Variants in PCDHA6 observed in about 807,000 individuals in gnomAD.
PCDHA6 encodes the protein protocadherin alpha 6, also known as protocadherin alpha-6.
PCDHA6 carries 55 observed loss-of-function variants against 60.3 expected under a neutral mutation model. The ratio of observed to expected loss-of-function variants is 0.91; its 90% CI spans 0.73 to 1.14. The LOEUF (loss-of-function observed/expected upper bound fraction) is 1.14, where lower values mean the gene tolerates loss of function less well. Among genes scored for constraint, PCDHA6 ranks in the 50% most tolerant of loss-of-function variants. PCDHA6 has a pLI of 0.00. For synonymous variants in PCDHA6, 652 were observed against 557.9 expected (o/e 1.17, Z -2.38); for missense variants, 1,327 against 1,256.5 (o/e 1.06, Z -0.85).
chr5:140,913,898 CTTTT>C (rs1351691139), intron 1 of PCDHA6, among the ~76,000 whole-genome samples: 2 of 152,020 alleles, frequency 1.3e-5, no homozygotes, highest in African/African-American at 4.8e-5. Flanking sequence ...CAAAATTCCC[CTTTT>C]TTATTTCTAA....
rs571694728 is a variant in PCDHA6, at chr5:140,949,343, CTG to C, written c.2395-29602_2395-29601del. Among the ~76,000 whole-genome samples the C allele has an allele frequency of 8.0e-4, 121 of 151,818 alleles. 1 individual carries two copies. Among genetic ancestry groups the C allele is most frequent in the Admixed American group, 3.5e-3 (54 of 15,258 alleles). On this transcript the variant is annotated intron_variant, in intron 1 of 3. Transcript: ENST00000529310. ...TATAAATTATTGTTATCCAGATTTT[CTG>C]TGTCTTTATTTTTTTGTCTAGTTGT...
intron 3 of PCDHA6, among the ~76,000 whole-genome samples, chr5:141,007,135 C>G (rs1183279253): frequency 2.6e-5 from 4 of 152,074 alleles, no homozygotes; most frequent in Non-Finnish European, 5.9e-5. Context: ...GATGAGGAGA[C>G]TGACAAAGGA....
rs1382251688 is a variant in PCDHA6, at chr5:141,010,812, C to A, written c.*875C>A. The A allele has an allele frequency of 6.5e-6, 1 of 153,746 alleles. No homozygotes were observed. Among genetic ancestry groups the A allele is most frequent in the Non-Finnish European group, 1.5e-5 (1 of 68,054 alleles). The allele number at this position is 153,746 out of a possible 1,614,324, so 9.5% of individuals were successfully genotyped here. On this transcript the variant is annotated 3_prime_UTR_variant, in exon 4 of 4. Coordinates refer to ENST00000529310, the MANE Select transcript of PCDHA6 (RefSeq NM_018909.4). The stretch of plus-strand genomic sequence containing the variant: ...GCAAAAGAAAACCCCGACACCTCAC[C>A]TTTCGCTGTTTGTTGTTTCATAGAT...
chr5:140,844,367 A>C (rs1220676752), intron 1 of PCDHA6, among the ~76,000 whole-genome samples: 1 of 149,478 alleles, frequency 6.7e-6, no homozygotes, highest in Non-Finnish European at 1.5e-5. Context: ...GAGATTTGTA[A>C]TCCTTCTTTT....
intron 1 of PCDHA6, among the ~76,000 whole-genome samples, chr5:140,959,620 G>GA (rs1247214459): frequency 4.6e-5 from 7 of 151,966 alleles, no homozygotes; most frequent in African/African-American, 1.4e-4. Context: ...GCTTGTGATA[G>GA]AAAAAAAGAG....
intron 1 of PCDHA6, chr5:140,871,299 G>A (rs782459625): frequency 1.9e-6 from 3 of 1,613,916 alleles, no homozygotes; most frequent in South Asian, 1.1e-5. Context: ...GCGCGTGCGC[G>A]CCGGGGAAGC....
chr5:140,902,316 G>C (rs2069370797), intron 1 of PCDHA6, among the ~76,000 whole-genome samples: 1 of 151,402 alleles, frequency 6.6e-6, no homozygotes, highest in Non-Finnish European at 1.5e-5. Context: ...GGGATTACAG[G>C]TGTAACTCAC....
Position 140,847,536 on chromosome 5 carries a change from G to A in PCDHA6, c.2394+17051G>A, listed in dbSNP as rs1162683759. On this transcript the variant is annotated intron_variant, in intron 1 of 3. Transcript: ENST00000529310. ...AACTTAGTCAGGAAAAGAATCTCAAGCATAGCTTTAAAAACAGAAATTGCC... is the reference window on the plus strand; with the variant it reads ...AACTTAGTCAGGAAAAGAATCTCAAACATAGCTTTAAAAACAGAAATTGCC... 3 of 149,444 alleles carry A rather than the reference G, an allele frequency of 2.0e-5. 1 individual carries two copies. Among genetic ancestry groups the A allele is most frequent in the African/African-American group, 7.3e-5 (3 of 40,850 alleles). The allele number at this position is 149,444 out of a possible 1,614,324, so 9.3% of individuals were successfully genotyped here.
chr5:140,843,546 C>T (rs1562414778), intron 1 of PCDHA6: 1 of 1,595,752 alleles, frequency 6.3e-7, no homozygotes, highest in African/African-American at 1.3e-5. Context: ...CTGGTGTGCT[C>T]CAGTGCGGTG....
intron 1 of PCDHA6, among the ~76,000 whole-genome samples, chr5:140,945,624 C>T (rs1248945489): frequency 6.6e-6 from 1 of 152,028 alleles, no homozygotes; most frequent in African/African-American, 2.4e-5. Flanking sequence ...ATGGTACTGG[C>T]ATAAAAGACA....
chr5:140,968,949 T>C, intron 1 of PCDHA6: 1 of 1,614,180 alleles, frequency 6.2e-7, no homozygotes, highest in Non-Finnish European at 8.5e-7. Flanking sequence ...ATTTTGAGCA[T>C]CATCAAGTGC....
chr5:140,954,895 A>G (rs782412576), intron 1 of PCDHA6, among the ~76,000 whole-genome samples: 66 of 152,096 alleles, frequency 4.3e-4, no homozygotes, highest in African/African-American at 1.4e-3. Context: ...TAGGGTTTTT[A>G]TAGTTTCATA....
intron 3 of PCDHA6, among the ~76,000 whole-genome samples, chr5:140,996,581 A>C (rs1554255228): frequency 6.6e-6 from 1 of 152,118 alleles, no homozygotes; most frequent in Non-Finnish European, 1.5e-5. Flanking sequence ...ATTTGTTAAC[A>C]AGGGCCGCCT....
chr5:140,936,270 T>G (rs1367001317), intron 1 of PCDHA6, among the ~76,000 whole-genome samples: 2 of 152,226 alleles, frequency 1.3e-5, no homozygotes, highest in Non-Finnish European at 2.9e-5. Context: ...GAAGATATAT[T>G]CCTGTGTTTT....
At chr5:140,843,069 G>T in intron 1 of PCDHA6, 1 of 1,595,314 alleles carries the variant, frequency 6.3e-7, no homozygotes, top group South Asian at 1.1e-5. Flanking sequence ...CTGGTGCCGC[G>T]GTCTGTGGGC....
chr5:140,994,434 G>A (rs1238502710), intron 3 of PCDHA6, among the ~76,000 whole-genome samples: 1 of 152,156 alleles, frequency 6.6e-6, no homozygotes, highest in African/African-American at 2.4e-5. Flanking sequence ...CGGGCGCAGT[G>A]GCTCACACCT....
At chr5:140,861,457 A>T (rs2046932948) in intron 1 of PCDHA6, 1 of 493,524 alleles carries the variant, frequency 2.0e-6, no homozygotes, top group African/African-American at 2.0e-5. Flanking sequence ...AACCTTCTGG[A>T]GGTAAATCTG....
chr5:140,978,526 A>G (rs1197468187), intron 1 of PCDHA6, among the ~76,000 whole-genome samples: 5 of 152,248 alleles, frequency 3.3e-5, no homozygotes, highest in Admixed American at 2.0e-4. Flanking sequence ...CAGCCAGGCC[A>G]GCAGAACTTG....
chr5:140,874,318 T>A (rs1169216245), intron 1 of PCDHA6, among the ~76,000 whole-genome samples: 1 of 151,782 alleles, frequency 6.6e-6, no homozygotes, highest in African/African-American at 2.4e-5. Context: ...AGTTGTAGGA[T>A]CTTATCTGTT....
Sources: gnomAD v4.1 joint callset for allele counts (sites outside exome capture counted in the v4.1 genomes callset) on GRCh38, gnomAD v4.1.1 for gene constraint, MANE v1.5 for transcripts, NCBI Gene and HGNC (gene_info 2026-07-23, HGNC 2026-07-21) for gene names.